The following GSG1L variants were observed in gnomAD, a reference collection of about 807,000 sequenced individuals.
The protein encoded by GSG1L is germ cell-specific gene 1-like protein.
GSG1L carries 24 observed loss-of-function variants against 42.1 expected under a neutral mutation model. That is an observed-to-expected ratio of 0.57 (90% CI 0.41 to 0.80). GSG1L has a LOEUF of 0.80. GSG1L is among the 30% of genes least tolerant of loss of function. The pLI, the probability that GSG1L is intolerant of heterozygous loss-of-function variation, is 0.00. For synonymous variants in GSG1L, 215 were observed against 203.5 expected (o/e 1.06, Z -0.48); for missense variants, 445 against 472.2 (o/e 0.94, Z 0.53).
chr16:27,956,021 T>C (rs1385390611), intron 2 of GSG1L, among the ~76,000 whole-genome samples: 1 of 152,176 alleles, frequency 6.6e-6, no homozygotes, highest in Non-Finnish European at 1.5e-5. Context: ...GCCAGTTGTC[T>C]TTGAAGACAT....
chr16:27,803,800 G>GATATATAT (rs1406574562), intron 6 of GSG1L, among the ~76,000 whole-genome samples: 1 of 74,246 alleles, frequency 1.3e-5, no homozygotes, highest in Non-Finnish European at 2.9e-5. Context: ...TATATAGATA[G>GATATATAT]ATAGATATAG....
intron 5 of GSG1L, among the ~76,000 whole-genome samples, chr16:27,811,907 T>C (rs2083035824): frequency 6.6e-6 from 1 of 152,150 alleles, no homozygotes; most frequent in Admixed American, 6.5e-5. Context: ...CGCCTCAGCC[T>C]CCCAATGTGC....
chr16:27,938,317 AG>A (rs2084743079), intron 2 of GSG1L, among the ~76,000 whole-genome samples: 2 of 145,232 alleles, frequency 1.4e-5, no homozygotes, highest in Admixed American at 1.4e-4. Flanking sequence ...CTGGAGATGG[AG>A]GTTGGGTTGC....
intron 2 of GSG1L, among the ~76,000 whole-genome samples, chr16:27,945,681 T>C (rs1424777149): frequency 6.6e-6 from 1 of 152,240 alleles, no homozygotes; most frequent in East Asian, 1.9e-4. Context: ...GAGAGGGGGC[T>C]CCAGCCCTCT....
At chr16:28,013,626 A>G (rs2085749275) in intron 1 of GSG1L, among the ~76,000 whole-genome samples, 1 of 152,216 alleles carries the variant, frequency 6.6e-6, no homozygotes, top group Admixed American at 6.5e-5. Flanking sequence ...CACACAGGAC[A>G]TGAAGGAAGA....
chr16:27,946,656 AAAAGAAAGAAAGAAAG>A (rs1211575909), intron 2 of GSG1L, among the ~76,000 whole-genome samples: 13 of 27,392 alleles, frequency 4.7e-4, no homozygotes, highest in South Asian at 1.1e-3. Context: ...AGAAAGAAAG[AAAAGAAAGAAAGAAAG>A]AAAGAAAGAA....
intron 3 of GSG1L, among the ~76,000 whole-genome samples, chr16:27,864,276 T>C (rs755223379): frequency 6.6e-6 from 1 of 152,198 alleles, no homozygotes; most frequent in Non-Finnish European, 1.5e-5. Context: ...TGAGATGTGG[T>C]GCAGTAAACA....
chr16:27,947,384 AAAAGAAAGAAAGAAAG>A lies in GSG1L; in HGVS notation c.397+15756_397+15771del, dbSNP rs199991139. 3.1e-3 allele frequency among the ~76,000 whole-genome samples: 411 copies of A among 130,762 alleles called. 3 individuals carry two copies. Among genetic ancestry groups the A allele is most frequent in the South Asian group, 0.016 (63 of 3,968 alleles). 85.8% of individuals were successfully genotyped at this position (130,762 alleles called of 152,430 possible). A position where few individuals can be genotyped will look rare whatever the true frequency, so the allele number is the denominator to read the frequency against. The stretch of plus-strand genomic sequence containing the variant: ...GGAGGAGGAGAGAAAGAAAGAAAGA[AAAAGAAAGAAAGAAAG>A]AAAGAAAGAAAGAAAGAAAGAAAGA... On this transcript the variant is annotated intron_variant, in intron 2 of 6. Coordinates refer to ENST00000447459, the MANE Select transcript of GSG1L (RefSeq NM_001109763.2).
chr16:27,888,407 T>TC (rs2084057625), intron 2 of GSG1L, among the ~76,000 whole-genome samples: 1 of 12,298 alleles, frequency 8.1e-5, no homozygotes, highest in Non-Finnish European at 3.1e-4. Context: ...TCTCCTTCTT[T>TC]CTTTCTTTCT....
intron 2 of GSG1L, among the ~76,000 whole-genome samples, chr16:27,893,736 T>C (rs1405203860): frequency 6.6e-6 from 1 of 151,852 alleles, no homozygotes; most frequent in Non-Finnish European, 1.5e-5. Context: ...TGCACCACCA[T>C]GCCCAGCTAA....
intron 6 of GSG1L, among the ~76,000 whole-genome samples, chr16:27,800,872 T>C (rs908064875): frequency 6.6e-6 from 1 of 152,042 alleles, no homozygotes. Flanking sequence ...TGGCACTTGG[T>C]GGAGAGAGGC....
chr16:27,791,954 G>A (rs1355440671), intron 6 of GSG1L, among the ~76,000 whole-genome samples: 1 of 151,744 alleles, frequency 6.6e-6, no homozygotes, highest in African/African-American at 2.4e-5. Flanking sequence ...CCACCTGACA[G>A]CCACGACAGC....
chr16:27,913,901 GA>G (rs1321679813), intron 2 of GSG1L, among the ~76,000 whole-genome samples: 1 of 151,424 alleles, frequency 6.6e-6, no homozygotes, highest in Admixed American at 6.6e-5. Context: ...GAAAGAATTT[GA>G]AAAATATAGA....
rs572595185 is a variant in GSG1L at position 27,852,469 on chromosome 16, G to A, written c.551-7408C>T. 2.6e-5 allele frequency among the ~76,000 whole-genome samples: 4 copies of A among 152,220 alleles called. No homozygotes were observed. The East Asian group carries it at 7.7e-4, about 29-fold the overall frequency. On this transcript the variant is annotated intron_variant, in intron 3 of 6. Transcript: ENST00000447459. ...AAGAGGAGAAGTCCCGGGGTCTGTGGGGTGGGGAGGTCAGAAGAGGCTCCC... is the reference window on the plus strand; with the variant it reads ...AAGAGGAGAAGTCCCGGGGTCTGTGAGGTGGGGAGGTCAGAAGAGGCTCCC...
At chr16:27,963,095 G>A in intron 2 of GSG1L, 61 bp downstream of exon 2, 3 of 1,424,168 alleles carry the variant, frequency 2.1e-6, no homozygotes, top group South Asian at 1.2e-5. Flanking sequence ...GAGCCACCAA[G>A]GTAGGAAAGA....
At chr16:27,910,291 C>G (rs1461254919) in intron 2 of GSG1L, among the ~76,000 whole-genome samples, 1 of 152,102 alleles carries the variant, frequency 6.6e-6, no homozygotes, top group African/African-American at 2.4e-5. Context: ...CCCTCCTGGT[C>G]TGGTCCATAT....
intron 4 of GSG1L, among the ~76,000 whole-genome samples, chr16:27,833,882 A>T (rs2083296552): frequency 6.6e-6 from 1 of 152,152 alleles, no homozygotes; most frequent in African/African-American, 2.4e-5. Flanking sequence ...CATAACATCC[A>T]CAAATAGTTA....
intron 5 of GSG1L, among the ~76,000 whole-genome samples, chr16:27,818,079 G>A (rs779791381): frequency 6.6e-6 from 1 of 152,200 alleles, no homozygotes; most frequent in Non-Finnish European, 1.5e-5. Flanking sequence ...GCTTCCAGGT[G>A]AGGCCAGCGC....
chr16:27,806,178 A>G (rs1485621417), intron 6 of GSG1L, among the ~76,000 whole-genome samples: 1 of 152,086 alleles, frequency 6.6e-6, no homozygotes, highest in Non-Finnish European at 1.5e-5. Flanking sequence ...CCAAGCTAGC[A>G]CAGACATGAA....
Sources: gnomAD v4.1 joint callset for allele counts (sites outside exome capture counted in the v4.1 genomes callset) on GRCh38, gnomAD v4.1.1 for gene constraint, MANE v1.5 for transcripts, NCBI Gene and HGNC (gene_info 2026-07-23, HGNC 2026-07-21) for gene names.